The following MAGED1 variants were observed in gnomAD, a reference collection of about 807,000 sequenced individuals.
MAGED1 encodes the protein MAGE family member D1.
Under a neutral mutation model 54.1 loss-of-function variants are expected in MAGED1, and 3 were observed. The ratio of observed to expected loss-of-function variants is 0.06; its 90% CI spans 0.03 to 0.14. The LOEUF (loss-of-function observed/expected upper bound fraction) is 0.14. Ranked by LOEUF, MAGED1 falls within the 10% of genes least tolerant of loss-of-function variation. MAGED1 has a pLI of 1.00. For missense variants in MAGED1, 485 were observed against 623.4 expected (o/e 0.78, Z 2.36); for synonymous variants, 217 against 227.3 (o/e 0.95, Z 0.41).
At chrX:51,875,060 C>G (rs1023404382) in intron 1 of MAGED1, among the ~76,000 whole-genome samples, 6 of 111,053 alleles carry the variant, frequency 5.4e-5, no homozygotes, top group African/African-American at 2.0e-4. Flanking sequence ...ACTGATGAGG[C>G]AAGACCCCTC....
At chrX:51,816,595 A>C (rs1217688160) in intron 1 of MAGED1, among the ~76,000 whole-genome samples, 1 of 111,666 alleles carries the variant, frequency 9.0e-6, no homozygotes, top group Non-Finnish European at 1.9e-5. Flanking sequence ...CATATAACAC[A>C]GGTGTGTAGT....
chrX:51,816,462 T>C (rs953695760), intron 1 of MAGED1, among the ~76,000 whole-genome samples: 2 of 111,623 alleles, frequency 1.8e-5, no homozygotes, highest in African/African-American at 6.5e-5. Context: ...TTTCTATGTT[T>C]AGGTAGGTTT....
intron 1 of MAGED1, among the ~76,000 whole-genome samples, chrX:51,812,441 A>T (rs1358060029): frequency 2.7e-5 from 3 of 111,539 alleles, no homozygotes; most frequent in African/African-American, 9.8e-5. Flanking sequence ...CATGGCAACC[A>T]CTAATATACT....
In MAGED1 at chrX:51,895,050, C is replaced by G; in HGVS notation, c.46-3C>G. 1 of 1,189,697 alleles carries G rather than the reference C, an allele frequency of 8.4e-7. No homozygotes were observed. The highest frequency in any genetic ancestry group is 1.8e-5 in the African/African-American group (1 of 56,968). On this transcript the variant is annotated splice_polypyrimidine_tract_variant and splice_region_variant and intron_variant, in intron 2 of 12. Transcript: ENST00000326587. ...TTTAATTTTTTCCCCCCTGTGTTTG[C>G]AGGCTGAGGCCTCCGTAGAAGACAG...
chrX:51,893,077 C>T, upstream of MAGED1, among the ~76,000 whole-genome samples: 1 of 110,124 alleles, frequency 9.1e-6, no homozygotes, highest in Non-Finnish European at 1.9e-5. Flanking sequence ...CTTGTGGGGG[C>T]GGGCAGGGGG....
intron 1 of MAGED1, among the ~76,000 whole-genome samples, chrX:51,833,227 A>T (rs1926130206): frequency 9.1e-6 from 1 of 110,096 alleles, no homozygotes; most frequent in African/African-American, 3.3e-5. Flanking sequence ...TTCAGGAGGT[A>T]AAAAGTGGTA....
intron 1 of MAGED1, among the ~76,000 whole-genome samples, chrX:51,863,431 G>A (rs1927351194): frequency 4.5e-5 from 5 of 111,897 alleles, no homozygotes; most frequent in African/African-American, 1.6e-4. Context: ...TAAAAATGCA[G>A]CAATGAACAG....
At chrX:51,822,511 A>T (rs1925675069) in intron 1 of MAGED1, among the ~76,000 whole-genome samples, 1 of 109,174 alleles carries the variant, frequency 9.2e-6, no homozygotes, top group South Asian at 3.9e-4. Flanking sequence ...TTATTTTTCG[A>T]TTCTCTATGT....
In MAGED1 at chrX:51,831,261, A is replaced by G. The variant is rs1349171724; in HGVS notation, c.-37+28144A>G. Among the ~76,000 whole-genome samples the G allele has an allele frequency of 2.7e-5, 3 of 112,654 alleles. No individual in the cohort carries two copies. The Admixed American group carries it at 2.8e-4, about 11-fold the overall frequency. ...TCCTAACAAAGTTACACTGAGATGC[A>G]AGTACAGTGTTTTCTGACATAGCTC... On this transcript the variant is annotated intron_variant, in intron 1 of 12. Transcript: ENST00000375772.
At position 51,814,319 on chromosome X, in the gene MAGED1, G is replaced by A. The variant is rs185302805; in HGVS notation, c.-37+11202G>A. The stretch of plus-strand genomic sequence containing the variant: ...CGCCGCCGCTGCCGCTGCCACTGCC[G>A]CCACCACCACCTGTGCTTCTGTTGC... On this transcript the variant is annotated intron_variant, in intron 1 of 12. Coordinates refer to the MAGED1 transcript ENST00000375772. Among the ~76,000 whole-genome samples the A allele has an allele frequency of 8.0e-3, 890 of 111,379 alleles. 2 individuals carry two copies. The highest frequency in any genetic ancestry group is 0.014 in the Middle Eastern group (3 of 216).
rs1387960923 is a variant in MAGED1, at chrX:51,901,764, G to A, written c.2171G>A (p.Gly724Glu). 9.9e-6 allele frequency: 12 copies of A among 1,209,397 alleles called. No individual in the cohort carries two copies. The highest frequency in any genetic ancestry group is 8.9e-6 in the Non-Finnish European group (8 of 895,112). The change falls in exon 12 of 13, where the codon GGA (glycine) becomes GAA (glutamate). Residue 724 changes from glycine (G) to glutamate (E), a missense_variant. Physicochemically the swap from Gly to Glu is moderately conservative, Grantham distance 98. This residue lies in a region of MAGED1 where 186 missense variants were observed against 330.3 expected (regional missense o/e 0.56). Coordinates refer to ENST00000326587, the MANE Select transcript of MAGED1 (RefSeq NM_006986.4). ...ACCTGGGATGAGGAAGGAGATTTTGGAGATCCCTGGTCCAGAATTCCATTT... is the reference window on the plus strand; with the variant it reads ...ACCTGGGATGAGGAAGGAGATTTTGAAGATCCCTGGTCCAGAATTCCATTT... Reference protein sequence around the residue: ...LLTWDEEGDFGDPWSRIPFTF... With the variant: ...LLTWDEEGDFEDPWSRIPFTF...
chrX:51,849,120 G>A, intron 1 of MAGED1, among the ~76,000 whole-genome samples: 1 of 110,112 alleles, frequency 9.1e-6, no homozygotes, highest in Non-Finnish European at 1.9e-5. Flanking sequence ...GGGATGTAAG[G>A]ATCTTACTTA....
rs371038613 is a variant in MAGED1, at chrX:51,894,787, C to T, written c.46-266C>T. ...TACTGCACGCCTCTTGGAGCGTCCC[C>T]GGCTCCTGTTCGTGCCCACTTTCCG... On this transcript the variant is annotated intron_variant, in intron 2 of 12. Transcript: ENST00000326587. 152 of 1,140,816 alleles carry T rather than the reference C, an allele frequency of 1.3e-4. No homozygotes were observed. The highest frequency in any genetic ancestry group is 1.7e-4 in the Non-Finnish European group (144 of 866,142). The allele number at this position is 1,140,816 out of a possible 1,213,427, so 94.0% of individuals were successfully genotyped here. A position where few individuals can be genotyped will look rare whatever the true frequency, so the allele number is the denominator to read the frequency against.
At chrX:51,846,931 G>T (rs1300929813) in intron 1 of MAGED1, among the ~76,000 whole-genome samples, 1 of 111,610 alleles carries the variant, frequency 9.0e-6, no homozygotes, top group African/African-American at 3.3e-5. Flanking sequence ...GATCCAAACC[G>T]TATCAGTGAC....
intron 1 of MAGED1, among the ~76,000 whole-genome samples, chrX:51,860,537 C>G (rs1440554375): frequency 9.0e-6 from 1 of 111,434 alleles, no homozygotes; most frequent in Non-Finnish European, 1.9e-5. Flanking sequence ...ATGGAGAACT[C>G]AGAATAAGGA....
chrX:51,838,658 A>G (rs782643884), intron 1 of MAGED1, among the ~76,000 whole-genome samples: 255 of 112,046 alleles, frequency 2.3e-3, no homozygotes, highest in Non-Finnish European at 3.6e-3. Context: ...TGCTTTACTA[A>G]TACAGAGCTG....
chrX:51,873,241 C>T (rs1374893712), intron 1 of MAGED1, among the ~76,000 whole-genome samples: 1 of 109,727 alleles, frequency 9.1e-6, no homozygotes, highest in Non-Finnish European at 1.9e-5. Context: ...CTCATGAGCA[C>T]TCACTATCAT....
rs782410097 is a variant in MAGED1 at position 51,897,151 on chromosome X, A to G, written c.1423-57A>G. 40 of 1,198,536 alleles carry G rather than the reference A, an allele frequency of 3.3e-5. No homozygotes were observed. The East Asian group carries it at 1.2e-3, about 35-fold the overall frequency. ...TTTGTCATCCTCTCATCTGTAATTC[A>G]ACCAAGTTTTTTTGTAAATATTTTA... On this transcript the variant is annotated intron_variant, in intron 4 of 12. Transcript: ENST00000326587.
intron 1 of MAGED1, among the ~76,000 whole-genome samples, chrX:51,832,169 A>G (rs891480099): frequency 1.8e-5 from 2 of 110,681 alleles, no homozygotes; most frequent in Non-Finnish European, 3.8e-5. Context: ...AGCTGGGACT[A>G]TAGGCGCGCA....
Sources: gnomAD v4.1 joint callset for allele counts (sites outside exome capture counted in the v4.1 genomes callset) on GRCh38, gnomAD v4.1.1 for gene constraint, gnomAD v4.1.1 regional missense constraint, MANE v1.5 for transcripts, NCBI Gene and HGNC (gene_info 2026-07-23, HGNC 2026-07-21) for gene names.